The following STXBP5L variants were observed in gnomAD, a reference collection of about 807,000 sequenced individuals.
STXBP5L encodes syntaxin-binding protein 5-like.
Under a neutral mutation model 144.5 loss-of-function variants are expected in STXBP5L, and 65 were observed. The observed-to-expected ratio is 0.45, with a 90% CI of 0.37 to 0.55. The LOEUF is 0.55. STXBP5L is among the 20% of genes least tolerant of loss of function. The probability of loss-of-function intolerance (pLI) is 0.00; values close to 1 mark genes in which losing one functional copy is unlikely to be tolerated. For synonymous variants in STXBP5L, 505 were observed against 469.6 expected, an observed-to-expected ratio of 1.08 and a Z score of -0.97; for missense variants, 1,298 against 1,405.5, an observed-to-expected ratio of 0.92 and a Z score of 1.22.
At chr3:121,125,858 A>G (rs891289159) in intron 7 of STXBP5L, among the ~76,000 whole-genome samples, 1 of 152,138 alleles carries the variant, frequency 6.6e-6, no homozygotes, top group African/African-American at 2.4e-5. Flanking sequence ...GGGGGTGTTA[A>G]CCTCCCATGG....
At chr3:121,064,283 C>T (rs954622400) in intron 5 of STXBP5L, among the ~76,000 whole-genome samples, 7 of 152,192 alleles carry the variant, frequency 4.6e-5, no homozygotes, top group African/African-American at 1.4e-4. Context: ...TGCTTCTGCT[C>T]CTCCTCGATG....
intron 3 of STXBP5L, among the ~76,000 whole-genome samples, chr3:121,014,373 G>T (rs1944993370): frequency 6.6e-6 from 1 of 151,772 alleles, no homozygotes; most frequent in Non-Finnish European, 1.5e-5. Context: ...ACATAGCAGG[G>T]TTGTCTTTTT....
At chr3:121,397,723 A>C (rs2046766431) in intron 22 of STXBP5L, among the ~76,000 whole-genome samples, 1 of 152,202 alleles carries the variant, frequency 6.6e-6, no homozygotes, top group Non-Finnish European at 1.5e-5. Context: ...TGTGCTCCCC[A>C]TTGCTGTAAT....
intron 16 of STXBP5L, among the ~76,000 whole-genome samples, chr3:121,256,951 A>G (rs1021475829): frequency 3.9e-5 from 6 of 151,972 alleles, no homozygotes; most frequent in Non-Finnish European, 8.8e-5. Flanking sequence ...GCCATTGAAT[A>G]TTCCATATAA....
intron 3 of STXBP5L, among the ~76,000 whole-genome samples, chr3:120,980,746 GTTAA>G (rs1207715745): frequency 6.6e-6 from 1 of 152,016 alleles, no homozygotes; most frequent in Non-Finnish European, 1.5e-5. Flanking sequence ...CTGTCATAAT[GTTAA>G]TTGTTACTTA....
chr3:121,135,531 A>G (rs1021589453), intron 7 of STXBP5L, among the ~76,000 whole-genome samples: 58 of 152,150 alleles, frequency 3.8e-4, no homozygotes, highest in Admixed American at 1.6e-3. Context: ...TTAGTGACAG[A>G]TCATCAGGAA....
At chr3:121,343,185 G>C (rs2044795906) in intron 20 of STXBP5L, among the ~76,000 whole-genome samples, 1 of 152,012 alleles carries the variant, frequency 6.6e-6, no homozygotes, top group Non-Finnish European at 1.5e-5. Context: ...CCCACTTTTT[G>C]ATGGGGTTGT....
At position 121,082,738 on chromosome 3, in the gene STXBP5L, T is replaced by C. The variant is rs759370657; in HGVS notation, c.471-32187T>C. Among the ~76,000 whole-genome samples, 84 of 152,258 alleles carry C rather than the reference T, an allele frequency of 5.5e-4. 1 individual carries two copies. Among genetic ancestry groups the C allele is most frequent in the Admixed American group, 3.3e-4 (5 of 15,288 alleles). On this transcript the variant is annotated intron_variant, in intron 5 of 26. Transcript: ENST00000471454. ...TATTGTAATTGGGTTTTGAATTTTG[T>C]CAAATACTATTTCTGCATCAACTGA...
At position 120,989,589 on chromosome 3, in the gene STXBP5L, C is replaced by G. The variant is rs528564132; in HGVS notation, c.287+34552C>G. 5.3e-5 allele frequency among the ~76,000 whole-genome samples: 8 copies of G among 152,062 alleles called. No individual in the cohort carries two copies. In the East Asian group the frequency reaches 7.7e-4, roughly 15 times the overall value. ...ATTTGTCCCATTCTGTCTGGTAGTT[C>G]TATAATATGCTGAGAGTGGAGTAAA... is the stretch of plus-strand genomic sequence containing the variant. On this transcript the variant is annotated intron_variant, in intron 3 of 26. Transcript: ENST00000471454.
intron 19 of STXBP5L, among the ~76,000 whole-genome samples, chr3:121,300,667 T>A (rs2051855939): frequency 1.3e-5 from 2 of 151,848 alleles, no homozygotes; most frequent in Admixed American, 1.3e-4. Flanking sequence ...AAAGAGATGA[T>A]AAAATGGAAT....
At chr3:121,209,923 A>G (rs1431468691) in intron 10 of STXBP5L, among the ~76,000 whole-genome samples, 1 of 152,224 alleles carries the variant, frequency 6.6e-6, no homozygotes, top group South Asian at 2.1e-4. Context: ...TAGCAGCATG[A>G]TTTATAATCC....
At chr3:121,371,684 G>A (rs1342437078) in intron 20 of STXBP5L, among the ~76,000 whole-genome samples, 1 of 152,232 alleles carries the variant, frequency 6.6e-6, no homozygotes, top group Non-Finnish European at 1.5e-5. Flanking sequence ...CATGCTAGTG[G>A]TGGTGTTATC....
intron 20 of STXBP5L, among the ~76,000 whole-genome samples, chr3:121,334,442 C>A (rs7432332): frequency 0.75 from 110,819 of 148,362 alleles, 41,274 homozygotes; most frequent in East Asian, 0.93. Flanking sequence ...GACACAACAA[C>A]AAAAAAAGAA....
At chr3:121,003,646 G>T (rs544547510) in intron 3 of STXBP5L, among the ~76,000 whole-genome samples, 1 of 152,194 alleles carries the variant, frequency 6.6e-6, no homozygotes, top group Non-Finnish European at 1.5e-5. Flanking sequence ...GAACTGAATG[G>T]TATTGCCTAG....
intron 5 of STXBP5L, among the ~76,000 whole-genome samples, chr3:121,110,797 T>C (rs1466695817): frequency 6.6e-6 from 1 of 152,226 alleles, no homozygotes; most frequent in Non-Finnish European, 1.5e-5. Flanking sequence ...AGGGAAGTTC[T>C]TGTGGATGAT....
chr3:121,290,013 A>G (rs191343605), intron 19 of STXBP5L, among the ~76,000 whole-genome samples: 1 of 152,230 alleles, frequency 6.6e-6, no homozygotes, highest in African/African-American at 2.4e-5. Flanking sequence ...GAGAAACAAG[A>G]GCAAACCCAA....
intron 22 of STXBP5L, among the ~76,000 whole-genome samples, chr3:121,397,213 C>A (rs1010430820): frequency 1.3e-5 from 2 of 152,154 alleles, no homozygotes; most frequent in Non-Finnish European, 2.9e-5. Context: ...AGTAAAGAAA[C>A]GGTCTTTTAA....
At chr3:121,122,016 TA>T (rs925933773) in intron 7 of STXBP5L, among the ~76,000 whole-genome samples, 38 of 151,156 alleles carry the variant, frequency 2.5e-4, no homozygotes, top group African/African-American at 8.7e-4. Context: ...AATATGATTA[TA>T]ATTTGCCTTT....
chr3:121,368,877 T>A (rs549060779), intron 20 of STXBP5L, among the ~76,000 whole-genome samples: 3 of 152,058 alleles, frequency 2.0e-5, no homozygotes, highest in Admixed American at 1.3e-4. Flanking sequence ...GTTAATGGAG[T>A]GGCAGTGGAG....
Sources: gnomAD v4.1 joint callset for allele counts (sites outside exome capture counted in the v4.1 genomes callset) on GRCh38, gnomAD v4.1.1 for gene constraint, MANE v1.5 for transcripts, NCBI Gene and HGNC (gene_info 2026-07-23, HGNC 2026-07-21) for gene names.